ASAP2: variants seen among roughly 807,000 people sequenced by gnomAD.
ASAP2 encodes arf-GAP with SH3 domain, ANK repeat and PH domain-containing protein 2.
In ASAP2, 45 loss-of-function variants were observed where a neutral mutation model predicts 131.4. That is an observed-to-expected ratio of 0.34 (90% CI 0.27 to 0.44). The LOEUF (loss-of-function observed/expected upper bound fraction) is 0.44. Among genes scored for constraint, ASAP2 ranks in the 20% least tolerant of loss-of-function variants. The probability of loss-of-function intolerance (pLI) is 1.00; values close to 1 mark genes in which losing one functional copy is unlikely to be tolerated. For synonymous variants in ASAP2, 510 were observed against 503.0 expected (o/e 1.01, Z -0.19); for missense variants, 1,011 against 1,297.0 (o/e 0.78, Z 3.39).
At chr2:9,375,383 A>G (rs1196498387) in intron 17 of ASAP2, among the ~76,000 whole-genome samples, 1 of 152,162 alleles carries the variant, frequency 6.6e-6, no homozygotes, top group Admixed American at 6.5e-5. Context: ...GGAGAGGGGT[A>G]CTGGGGTAGA....
Position 9,240,642 on chromosome 2 carries a change from A to G in ASAP2, c.126+33412A>G, listed in dbSNP as rs531128587. 1.2e-4 allele frequency among the ~76,000 whole-genome samples: 19 copies of G among 152,182 alleles called. No homozygotes were observed. In the East Asian group the frequency reaches 3.5e-3, roughly 28 times the overall value. On this transcript the variant is annotated intron_variant, in intron 1 of 27. Coordinates refer to ENST00000281419, the MANE Select transcript of ASAP2 (RefSeq NM_003887.3). ...TTTGAGATGTGAAGGCAAAGCTAGC[A>G]TGAGTTTATTTTTTTCTTCTTTACC...
At chr2:9,330,928 G>A (rs1304168915) in intron 7 of ASAP2, among the ~76,000 whole-genome samples, 3 of 152,148 alleles carry the variant, frequency 2.0e-5, no homozygotes, top group East Asian at 1.9e-4. Flanking sequence ...GAGTGTGTAC[G>A]CTGCCTGCTC....
At chr2:9,304,912 G>A (rs10803699) in intron 3 of ASAP2, among the ~76,000 whole-genome samples, 43,947 of 144,734 alleles carry the variant, frequency 0.3, 6,895 homozygotes, top group Non-Finnish European at 0.36. Context: ...GGGTGTAGAT[G>A]TTAGTGGAGA....
At chr2:9,301,093 G>GT (rs1364392762) in intron 3 of ASAP2, among the ~76,000 whole-genome samples, 1 of 152,200 alleles carries the variant, frequency 6.6e-6, no homozygotes, top group Non-Finnish European at 1.5e-5. Context: ...TCTTCTTCCT[G>GT]TTTTTGGTCA....
chr2:9,231,013 G>T (rs1271462477), intron 1 of ASAP2, among the ~76,000 whole-genome samples: 1 of 152,296 alleles, frequency 6.6e-6, no homozygotes, highest in Admixed American at 6.5e-5. Context: ...CCTGTTTCTG[G>T]CGGGGAGATG....
In ASAP2 at chr2:9,217,760, G is replaced by A. The variant is rs532830985; in HGVS notation, c.126+10530G>A. ...CTCCCGAGTAGCTGGGACTACAGGC[G>A]CCTGCCACCACGCCCGGCTAATTTT... On this transcript the variant is annotated intron_variant, in intron 1 of 27. Transcript: ENST00000281419. The surrounding 1 kb of genome is among the most constrained non-coding windows in gnomAD (Gnocchi z 4.0). 2.6e-5 allele frequency among the ~76,000 whole-genome samples: 4 copies of A among 151,872 alleles called. No individual in the cohort carries two copies. Among genetic ancestry groups the A allele is most frequent in the East Asian group, 3.9e-4 (2 of 5,150 alleles).
chr2:9,320,280 GT>G lies in ASAP2; in HGVS notation c.421-5del, dbSNP rs770873771. ...AGTCTTGCCTAATTTATTATTCTTTGTTTACAGGATCTGAAAAAGCCTTTTG... is the reference window on the plus strand; with the variant it reads ...AGTCTTGCCTAATTTATTATTCTTTGTTACAGGATCTGAAAAAGCCTTTTG... On this transcript the variant is annotated splice_polypyrimidine_tract_variant and splice_region_variant and intron_variant, in intron 4 of 27. Transcript: ENST00000281419. The G allele has an allele frequency of 5.1e-5, 82 of 1,606,968 alleles. No individual in the cohort carries two copies. Among genetic ancestry groups the G allele is most frequent in the East Asian group, 2.5e-4 (11 of 44,702 alleles).
At chr2:9,300,933 A>C (rs1314780751) in intron 3 of ASAP2, among the ~76,000 whole-genome samples, 2 of 152,238 alleles carry the variant, frequency 1.3e-5, no homozygotes, top group African/African-American at 4.8e-5. Context: ...CATGAGCCAA[A>C]ATTAGCACTC....
At chr2:9,271,701 A>C (rs952375904) in intron 1 of ASAP2, 1 of 490,512 alleles carries the variant, frequency 2.0e-6, no homozygotes, top group African/African-American at 2.0e-5. Context: ...AAAGTAGGGA[A>C]GCGACGGGGC....
intron 15 of ASAP2, among the ~76,000 whole-genome samples, chr2:9,365,658 A>G (rs1673413965): frequency 6.6e-6 from 1 of 152,184 alleles, no homozygotes; most frequent in South Asian, 2.1e-4. Context: ...ACTCCCCCGT[A>G]TGGTGAGTGC....
intron 16 of ASAP2, among the ~76,000 whole-genome samples, chr2:9,370,616 C>T (rs1369505827): frequency 6.6e-6 from 1 of 152,188 alleles, no homozygotes; most frequent in African/African-American, 2.4e-5. Context: ...AACGTTCCCC[C>T]TCACAGAGGC....
chr2:9,229,529 C>T (rs1663006530), intron 1 of ASAP2, among the ~76,000 whole-genome samples: 2 of 152,154 alleles, frequency 1.3e-5, no homozygotes, highest in Admixed American at 1.3e-4. Context: ...CAGGAGAGGC[C>T]CAGCATGTGT....
At position 9,393,629 on chromosome 2, in the gene ASAP2, A is replaced by G. The variant is rs898105073; in HGVS notation, c.2666A>G (p.Gln889Arg). Residue 889 changes from glutamine (Q) to arginine (R), a missense_variant, in exon 24 of 28, where the codon CAG becomes CGG. Transcript: ENST00000281419. ...CCACAGCCGCCCAGCCGCCTCCCGC[A>G]GAAGAAGCCTGCGCCGGGGTAAGCC... Reference protein sequence around the residue: ...LPPQPPSRLPQKKPAPGADKS... With the variant: ...LPPQPPSRLPRKKPAPGADKS... 9 of 1,582,594 alleles carry G rather than the reference A, an allele frequency of 5.7e-6. No individual in the cohort carries two copies. The Admixed American group carries it at 8.8e-5, about 15-fold the overall frequency.
intron 16 of ASAP2, among the ~76,000 whole-genome samples, chr2:9,373,721 T>G (rs4599081): frequency 0.2 from 30,763 of 152,228 alleles, 5,264 homozygotes; most frequent in African/African-American, 0.47. Flanking sequence ...GCAGCCGCAT[T>G]TGTCCTCAGA....
intron 15 of ASAP2, among the ~76,000 whole-genome samples, chr2:9,364,492 A>G (rs1321817139): frequency 6.6e-6 from 1 of 152,226 alleles, no homozygotes; most frequent in East Asian, 1.9e-4. Flanking sequence ...GTGACAGAGT[A>G]AGACCCTGTC....
chr2:9,263,004 G>A (rs1348786201), intron 1 of ASAP2, among the ~76,000 whole-genome samples: 1 of 152,214 alleles, frequency 6.6e-6, no homozygotes, highest in Non-Finnish European at 1.5e-5. Flanking sequence ...TGTCTTCTGG[G>A]ACTGGGAAGA....
At chr2:9,379,523 T>TA (rs1674666255) in intron 19 of ASAP2, among the ~76,000 whole-genome samples, 1 of 152,152 alleles carries the variant, frequency 6.6e-6, no homozygotes, top group African/African-American at 2.4e-5. Flanking sequence ...CCCTGGTTGT[T>TA]ACTTGGCCCC....
chr2:9,331,936 G>C (rs969495850), intron 7 of ASAP2, among the ~76,000 whole-genome samples: 3 of 152,100 alleles, frequency 2.0e-5, no homozygotes, highest in Non-Finnish European at 4.4e-5. Flanking sequence ...TGCAGAGGAG[G>C]GAGGGGCGGG....
chr2:9,303,038 A>T (rs11680838), intron 3 of ASAP2, among the ~76,000 whole-genome samples: 8,155 of 152,238 alleles, frequency 0.054, 558 homozygotes, highest in African/African-American at 0.16. Flanking sequence ...CAATATAGAC[A>T]TCTTGCTACC....
Sources: gnomAD v4.1 joint callset for allele counts (sites outside exome capture counted in the v4.1 genomes callset) on GRCh38, gnomAD v4.1.1 for gene constraint, Gnocchi (gnomAD v3.1) non-coding constraint, MANE v1.5 for transcripts, NCBI Gene and HGNC (gene_info 2026-07-23, HGNC 2026-07-21) for gene names.